DCC: variants seen among roughly 807,000 people sequenced by gnomAD.
DCC encodes the protein netrin receptor DCC.
Under a neutral mutation model 172.5 loss-of-function variants are expected in DCC, and 58 were observed. That is an observed-to-expected ratio of 0.34 (90% CI 0.27 to 0.42). DCC has a LOEUF of 0.42. Ranked by LOEUF, DCC falls within the 10% of genes least tolerant of loss-of-function variation. The pLI is 1.00. For missense variants in DCC, 1,740 were observed against 1,791.0 expected (o/e 0.97, Z 0.51); for synonymous variants, 709 against 644.5 (o/e 1.10, Z -1.52).
At chr18:53,378,280 A>T (rs948783785) in intron 15 of DCC, among the ~76,000 whole-genome samples, 3 of 151,776 alleles carry the variant, frequency 2.0e-5, no homozygotes, top group Admixed American at 6.6e-5. Context: ...CTCCAACACA[A>T]TTTTTTTATT....
chr18:53,301,566 C>T (rs1313870601), intron 12 of DCC, among the ~76,000 whole-genome samples: 3 of 152,098 alleles, frequency 2.0e-5, no homozygotes, highest in Non-Finnish European at 4.4e-5. Context: ...AACAAACAGG[C>T]TCTTTCTTTC....
chr18:53,041,006 C>A (rs1310546227), intron 5 of DCC, among the ~76,000 whole-genome samples: 1 of 151,108 alleles, frequency 6.6e-6, no homozygotes, highest in African/African-American at 2.4e-5. Flanking sequence ...CTGATTATAG[C>A]TTCTTTTGCT....
chr18:53,415,086 T>G (rs963051934), intron 20 of DCC, among the ~76,000 whole-genome samples: 1 of 152,180 alleles, frequency 6.6e-6, no homozygotes, highest in African/African-American at 2.4e-5. Flanking sequence ...TATTAGGCAA[T>G]GATTTGTGCT....
At chr18:52,599,866 G>A (rs2033982574) in intron 1 of DCC, among the ~76,000 whole-genome samples, 3 of 152,236 alleles carry the variant, frequency 2.0e-5, no homozygotes, top group Non-Finnish European at 1.5e-5. Flanking sequence ...ATAACCATAT[G>A]AGAATAGGCA....
chr18:52,754,522 C>G lies in DCC; in HGVS notation c.412+2148C>G, dbSNP rs376141208. On this transcript the variant is annotated intron_variant, in intron 2 of 28. Transcript: ENST00000442544. ...ACCATGTGAGGATACAATGAGACGT[C>G]TGTAATCTGCAACCCAGAAGAGGAC... Among the ~76,000 whole-genome samples the G allele has an allele frequency of 2.6e-5, 4 of 152,310 alleles. No homozygotes were observed. The East Asian group carries it at 5.8e-4, about 22-fold the overall frequency.
intron 2 of DCC, among the ~76,000 whole-genome samples, chr18:52,811,128 A>C (rs1382590491): frequency 6.6e-6 from 1 of 152,252 alleles, no homozygotes; most frequent in Non-Finnish European, 1.5e-5. Context: ...GCTTAAAAAA[A>C]CAAAAAACAA....
rs77201321 is a variant in DCC at position 52,661,470 on chromosome 18, A to C, written c.92-90584A>C. 4.9e-3 allele frequency among the ~76,000 whole-genome samples: 743 copies of C among 152,300 alleles called. 7 individuals carry two copies. The highest frequency in any genetic ancestry group is 0.017 in the African/African-American group (709 of 41,570). On this transcript the variant is annotated intron_variant, in intron 1 of 28. Coordinates refer to ENST00000442544, the MANE Select transcript of DCC (RefSeq NM_005215.4). ...ATAGGGACTAAGTGAAAGGCAGGCA[A>C]ACTGGTTGGTGAGATCCCACAGCCG...
At chr18:52,422,538 T>C (rs1987283888) in intron 1 of DCC, among the ~76,000 whole-genome samples, 1 of 152,176 alleles carries the variant, frequency 6.6e-6, no homozygotes, top group Non-Finnish European at 1.5e-5. Flanking sequence ...TAAGGAAGGA[T>C]ATACAAACTA....
At chr18:53,409,615 G>C (rs1909868410) in intron 19 of DCC, among the ~76,000 whole-genome samples, 1 of 152,116 alleles carries the variant, frequency 6.6e-6, no homozygotes, top group African/African-American at 2.4e-5. Flanking sequence ...TATAATGTTA[G>C]AGTATAAATA....
intron 7 of DCC, among the ~76,000 whole-genome samples, chr18:53,091,342 A>C (rs913813627): frequency 2.1e-4 from 31 of 147,918 alleles, no homozygotes; most frequent in African/African-American, 7.4e-4. Flanking sequence ...TATATATATA[A>C]ATATATGAAA....
chr18:52,700,057 A>T (rs1380463575), intron 1 of DCC, among the ~76,000 whole-genome samples: 2 of 152,144 alleles, frequency 1.3e-5, no homozygotes, highest in East Asian at 3.9e-4. Context: ...GCAAAAAAAA[A>T]AAAACACTCA....
intron 15 of DCC, among the ~76,000 whole-genome samples, chr18:53,359,270 G>A (rs984796711): frequency 2.0e-5 from 3 of 152,080 alleles, no homozygotes; most frequent in Admixed American, 2.0e-4. Flanking sequence ...AGTCCATGCT[G>A]TATATTTAAC....
At chr18:52,907,603 A>G (rs976445240) in intron 3 of DCC, among the ~76,000 whole-genome samples, 5 of 151,964 alleles carry the variant, frequency 3.3e-5, no homozygotes, top group African/African-American at 1.2e-4. Flanking sequence ...TTTTGTAAAG[A>G]AGAGGTTTCA....
In DCC at chr18:53,307,897, GTA is replaced by G. The variant is rs771876514; in HGVS notation, c.2053+2230_2053+2231del. 7.3e-3 allele frequency among the ~76,000 whole-genome samples: 494 copies of G among 67,350 alleles called. 29 individuals carry two copies. Among genetic ancestry groups the G allele is most frequent in the South Asian group, 0.014 (29 of 2,072 alleles). The allele number at this position is 67,350 out of a possible 152,430, so 44.2% of individuals were successfully genotyped here. On this transcript the variant is annotated intron_variant, in intron 13 of 28. Transcript: ENST00000442544. ...CTTCTGGAAAGCAATGTGTGTGTAT[GTA>G]TATATATATATATATATATATATAT...
chr18:52,490,791 C>T (rs2030462187), intron 1 of DCC, among the ~76,000 whole-genome samples: 2 of 152,150 alleles, frequency 1.3e-5, no homozygotes, highest in Non-Finnish European at 1.5e-5. Flanking sequence ...GCAAAGACCC[C>T]ACCTCTTGTG....
At chr18:53,116,361 G>A (rs1032843560) in intron 7 of DCC, among the ~76,000 whole-genome samples, 13 of 151,738 alleles carry the variant, frequency 8.6e-5, no homozygotes, top group Non-Finnish European at 1.9e-4. Flanking sequence ...TTATGTAAAT[G>A]GAGAGGAAGA....
At chr18:52,834,099 C>G (rs537199460) in intron 2 of DCC, among the ~76,000 whole-genome samples, 2 of 152,274 alleles carry the variant, frequency 1.3e-5, no homozygotes, top group African/African-American at 4.8e-5. Context: ...GAGGGCAGAG[C>G]TTCCACACAG....
intron 2 of DCC, among the ~76,000 whole-genome samples, chr18:52,902,877 A>C (rs1421314343): frequency 6.6e-6 from 1 of 152,224 alleles, no homozygotes; most frequent in Non-Finnish European, 1.5e-5. Flanking sequence ...CACTATGACA[A>C]ATAATCAACT....
intron 5 of DCC, among the ~76,000 whole-genome samples, chr18:52,933,327 C>T (rs9947649): frequency 4.9e-4 from 74 of 151,572 alleles, no homozygotes; most frequent in African/African-American, 1.6e-3. Flanking sequence ...CAGGCAATTG[C>T]TAACAAGGCC....
Sources: allele counts gnomAD v4.1 joint callset (sites outside exome capture counted in the v4.1 genomes callset), GRCh38; gene constraint gnomAD v4.1.1; transcripts MANE v1.5; gene names NCBI Gene and HGNC (gene_info 2026-07-23, HGNC 2026-07-21).